The following SETD1A variants were observed in gnomAD, a reference collection of about 807,000 sequenced individuals.
SETD1A encodes the protein histone-lysine N-methyltransferase SETD1A.
In SETD1A, 29 loss-of-function variants were observed where a neutral mutation model predicts 149.9. That is an observed-to-expected ratio of 0.19 (90% CI 0.14 to 0.26). SETD1A has a LOEUF of 0.26. Ranked by LOEUF, SETD1A falls within the 10% of genes least tolerant of loss-of-function variation. The pLI is 1.00. For missense variants in SETD1A, 2,109 were observed against 2,353.1 expected, an observed-to-expected ratio of 0.90 and a Z score of 2.15; for synonymous variants, 1,141 against 968.5, an observed-to-expected ratio of 1.18 and a Z score of -3.31.
rs1328681155 is a variant in SETD1A at position 30,979,864 on chromosome 16, G to A, written c.4078G>A (p.Glu1360Lys). The change falls in exon 14 of 19, where the codon GAG becomes AAG. Residue 1360 changes from glutamate to lysine, a missense_variant. Glu to Lys is a moderately conservative substitution (Grantham distance 56). Coordinates refer to ENST00000262519, the MANE Select transcript of SETD1A (RefSeq NM_014712.3). ...GCAGCAACTGCAGCAGCAGCGGGAG[G>A]AGGGCGAAGAGGAGGGGGAGGAAGA... is the stretch of plus-strand genomic sequence containing the variant. Reference protein sequence around the residue: ...KPQQLQQQREEGEEEGEEEGE... With the variant: ...KPQQLQQQREKGEEEGEEEGE... 2 of 1,538,668 alleles carry A rather than the reference G, an allele frequency of 1.3e-6. No individual in the cohort carries two copies. The highest frequency in any genetic ancestry group is 1.7e-6 in the Non-Finnish European group (2 of 1,148,268).
At chr16:30,971,314 G>GC in intron 12 of SETD1A, 64 bp from the exon 13 acceptor site, 1 of 1,487,616 alleles carries the variant, frequency 6.7e-7, no homozygotes, top group Non-Finnish European at 9.1e-7. Flanking sequence ...GAGTGAGTGA[G>GC]GAGCCCACGG....
chr16:30,979,353 CAA>C lies in SETD1A; in HGVS notation c.3568_3569del (p.Lys1190ValfsTer56), dbSNP rs747241042. 1 of 1,613,108 alleles carries C rather than the reference CAA, an allele frequency of 6.2e-7. No homozygotes were observed. Among genetic ancestry groups the C allele is most frequent in the African/African-American group, 1.3e-5 (1 of 75,056 alleles). ...CCCCTCCAGCCACACCGCCGCAGGC[CAA>C]GTTTCCCGGCCCAGCCTCCCGCAAG... ...EPPPATPPQA[K>X]FPGPASRKAP... On this transcript the variant is annotated frameshift_variant, in exon 14 of 19. Coordinates refer to ENST00000262519, the MANE Select transcript of SETD1A (RefSeq NM_014712.3). LOFTEE classifies it high-confidence loss of function.
chr16:30,971,444 A>T lies in SETD1A; in HGVS notation c.3083A>T (p.Asp1028Val). Residue 1028 changes from aspartate to valine, a missense_variant, in exon 13 of 19, where the codon GAC becomes GTC. By Grantham distance (152) the Asp-to-Val change is radical. Coordinates refer to ENST00000262519, the MANE Select transcript of SETD1A (RefSeq NM_014712.3). ...TATGCTGACTCAGATGGCGAAAATG[A>T]CAGCACATCAGACTCCGAGAGCAGC... Reference protein sequence around the residue: ...SLYADSDGENDSTSDSESSSS... With the variant: ...SLYADSDGENVSTSDSESSSS... 3 of 1,613,288 alleles carry T rather than the reference A, an allele frequency of 1.9e-6. No homozygotes were observed. The highest frequency in any genetic ancestry group is 2.5e-6 in the Non-Finnish European group (3 of 1,179,426).
At position 30,979,425 on chromosome 16, in the gene SETD1A, C is replaced by T. The variant is rs552641025; in HGVS notation, c.3639C>T (p.Asp1213=). ...VERTIRNLPL[D]HASLVKSWPE... ...GGACCATCCGCAACCTGCCCCTGGA[C>T]CACGCATCTCTGGTCAAGAGTTGGC... The change falls in exon 14 of 19, where the codon GAC becomes GAT. Residue 1213 remains aspartate (D), a synonymous_variant. Transcript: ENST00000262519. 1.2e-4 allele frequency: 189 copies of T among 1,609,842 alleles called. 1 individual carries two copies. The highest frequency in any genetic ancestry group is 1.5e-4 in the Non-Finnish European group (174 of 1,178,256).
rs1482637920 is a variant in SETD1A at position 30,980,960 on chromosome 16, G to T, written c.4693-101G>T. The stretch of plus-strand genomic sequence containing the variant: ...TGGTTCCCTCGGGTGGAGTTGGGGG[G>T]TAAGCAGCCAGAACACCCTCTGCCC... On this transcript the variant is annotated intron_variant, in intron 16 of 18. Transcript: ENST00000262519. This position sits in a 1 kb window ranked among gnomAD's most constrained non-coding sequence, Gnocchi z 7.7. 14 of 1,577,386 alleles carry T rather than the reference G, an allele frequency of 8.9e-6. No individual in the cohort carries two copies. In the South Asian group the frequency reaches 1.5e-4, roughly 17 times the overall value.
At chr16:30,970,284 T>G (rs78838902) in intron 12 of SETD1A, among the ~76,000 whole-genome samples, 1 of 149,656 alleles carries the variant, frequency 6.7e-6, no homozygotes, top group Non-Finnish European at 1.5e-5. Context: ...TTTTTTTTTT[T>G]TGAGACAGAG....
Position 30,965,337 on chromosome 16 carries a change from C to T in SETD1A, c.1595C>T (p.Ser532Phe). The T allele has an allele frequency of 1.9e-6, 3 of 1,614,200 alleles. No homozygotes were observed. Among genetic ancestry groups the T allele is most frequent in the Non-Finnish European group, 2.5e-6 (3 of 1,180,040 alleles). ...AGAGATACAGGGAGTGAGGTGCCTT[C>T]TGGGTCAGGGCATGGGCCCTGCACA... ...GARDTGSEVP[S>F]GSGHGPCTPP... The change falls in exon 7 of 19, where the codon TCT becomes TTT. Residue 532 changes from serine to phenylalanine, a missense_variant. Physicochemically the swap from Ser to Phe is radical, Grantham distance 155. Transcript: ENST00000262519.
At chr16:30,972,273 G>A (rs1377417541) in intron 13 of SETD1A, among the ~76,000 whole-genome samples, 2 of 152,188 alleles carry the variant, frequency 1.3e-5, no homozygotes, top group Non-Finnish European at 2.9e-5. Context: ...GGGTTGCTGA[G>A]CCTCACAGGC....
rs766739702 is a variant in SETD1A at position 30,959,078 on chromosome 16, C to T, written c.151-13C>T. On this transcript the variant is annotated splice_polypyrimidine_tract_variant and intron_variant, in intron 2 of 18. Coordinates refer to ENST00000262519, the MANE Select transcript of SETD1A (RefSeq NM_014712.3). ...ACCCTGAGCTCTCTTTCTGCTGCTG[C>T]TTTCCTTCCTAGGACTCAAAGTATA... is the stretch of plus-strand genomic sequence containing the variant. The T allele has an allele frequency of 2.5e-6, 4 of 1,596,804 alleles. No individual in the cohort carries two copies. The highest frequency in any genetic ancestry group is 2.2e-5 in the East Asian group (1 of 44,796).
rs560889109 is a variant in SETD1A, at chr16:30,979,531, A to G, written c.3745A>G (p.Thr1249Ala). 6.2e-7 allele frequency: 1 copy of G among 1,608,164 alleles called. No homozygotes were observed. Among genetic ancestry groups the G allele is most frequent in the African/African-American group, 1.3e-5 (1 of 74,960 alleles). ...CGAGGAAGAGGAGGCTGAGCCAGGG[A>G]CAGAGGTGGACCTGGCGGTCCTGGC... ...LTEEEEAEPG[T>A]EVDLAVLADL... The change falls in exon 14 of 19, where the codon ACA becomes GCA. Residue 1249 changes from threonine (T) to alanine (A), a missense_variant. Physicochemically the swap from Thr to Ala is moderately conservative, Grantham distance 58 (BLOSUM62 0). This residue lies in a region of SETD1A where 832 missense variants were observed against 815.6 expected (regional missense o/e 1.02). Transcript: ENST00000262519.
rs2056087948 is a variant in SETD1A at position 30,963,704 on chromosome 16, A to G, written c.639+150A>G. 8 of 899,882 alleles carry G rather than the reference A, an allele frequency of 8.9e-6. No homozygotes were observed. The East Asian group carries it at 2.3e-4, about 26-fold the overall frequency. 55.7% of individuals were successfully genotyped at this position (899,882 alleles called of 1,614,324 possible). ...GCTGAGATGCTTTCAAAAGACAGGGAACTAGGGGCCAGGCACAGTGGCTCA... is the reference window on the plus strand; with the variant it reads ...GCTGAGATGCTTTCAAAAGACAGGGGACTAGGGGCCAGGCACAGTGGCTCA... On this transcript the variant is annotated intron_variant, in intron 5 of 18. Coordinates refer to ENST00000262519, the MANE Select transcript of SETD1A (RefSeq NM_014712.3).
rs763587829 is a variant in SETD1A at position 30,979,759 on chromosome 16, G to A, written c.3973G>A (p.Ala1325Thr). ...GCCCCCGGAGCCAGTGCCCGCACCCGCCGCCCTCTTCAGTTCCCCAGCTGA... is the reference window on the plus strand; with the variant it reads ...GCCCCCGGAGCCAGTGCCCGCACCCACCGCCCTCTTCAGTTCCCCAGCTGA... Reference protein sequence around the residue: ...LRPPEPVPAPAALFSSPADEV... With the variant: ...LRPPEPVPAPTALFSSPADEV... Residue 1325 changes from alanine to threonine, a missense_variant, in exon 14 of 19, where the codon GCC becomes ACC. Around this residue, in one of 8 missense-constraint regions of SETD1A, gnomAD observed 832 missense variants for 815.6 expected, o/e 1.02. Coordinates refer to ENST00000262519, the MANE Select transcript of SETD1A (RefSeq NM_014712.3). 1.4e-5 allele frequency: 23 copies of A among 1,595,914 alleles called. No homozygotes were observed. Among genetic ancestry groups the A allele is most frequent in the South Asian group, 2.2e-5 (2 of 90,428 alleles).
chr16:30,961,999 C>G lies in SETD1A; in HGVS notation c.517+462C>G, dbSNP rs1363309993. The stretch of plus-strand genomic sequence containing the variant: ...GGATTATGGGCATGCACCACCACAC[C>G]TGGCCAAAGTTTTTTTGATTATTTG... On this transcript the variant is annotated intron_variant, in intron 4 of 18. Coordinates refer to ENST00000262519, the MANE Select transcript of SETD1A (RefSeq NM_014712.3). This position sits in a 1 kb window ranked among gnomAD's most constrained non-coding sequence, Gnocchi z 4.0. Among the ~76,000 whole-genome samples the G allele has an allele frequency of 6.6e-6, 1 of 152,058 alleles. No homozygotes were observed. Among genetic ancestry groups the G allele is most frequent in the Non-Finnish European group, 1.5e-5 (1 of 68,030 alleles).
At position 30,979,074 on chromosome 16, in the gene SETD1A, T is replaced by C. The variant is rs888479075; in HGVS notation, c.3359-71T>C. ...GTGGGGGAGAGCACACAGCCTGTGG[T>C]CATGGGCGGCCAGGGTGGCTGAGCC... On this transcript the variant is annotated intron_variant, in intron 13 of 18. Coordinates refer to ENST00000262519, the MANE Select transcript of SETD1A (RefSeq NM_014712.3). The C allele has an allele frequency of 1.5e-5, 21 of 1,441,390 alleles. No homozygotes were observed. The East Asian group carries it at 3.0e-4, about 20-fold the overall frequency. The allele number at this position is 1,441,390 out of a possible 1,614,324, so 89.3% of individuals were successfully genotyped here.
rs1437990033 is a variant in SETD1A at position 30,971,535 on chromosome 16, T to C, written c.3174T>C (p.Ser1058=). The change falls in exon 13 of 19, where the codon TCT becomes TCC. Residue 1058 remains serine, a synonymous_variant. Coordinates refer to ENST00000262519, the MANE Select transcript of SETD1A (RefSeq NM_014712.3). ...CATCCTCCTCGTCCTCTTCATCCTCTGAGTCCTCCTCTGAAGATGAAGAGG... is the reference window on the plus strand; with the variant it reads ...CATCCTCCTCGTCCTCTTCATCCTCCGAGTCCTCCTCTGAAGATGAAGAGG... ...SSSSSSSSSS[S]ESSSEDEEEE... is the part of the protein sequence containing the mutation. 1.2e-6 allele frequency: 2 copies of C among 1,613,828 alleles called. No individual in the cohort carries two copies. Among genetic ancestry groups the C allele is most frequent in the Non-Finnish European group, 1.7e-6 (2 of 1,179,874 alleles).
chr16:30,974,357 G>A (rs1567359528), intron 13 of SETD1A, among the ~76,000 whole-genome samples: 1 of 152,084 alleles, frequency 6.6e-6, no homozygotes, highest in East Asian at 1.9e-4. Flanking sequence ...TCTTGAAAGT[G>A]TAGCAGTGAA....
rs1356325304 is a variant in SETD1A at position 30,979,920 on chromosome 16, C to T, written c.4134C>T (p.Asp1378=). The change falls in exon 14 of 19, where the codon GAC becomes GAT. Residue 1378 remains aspartate, a synonymous_variant. Coordinates refer to ENST00000262519, the MANE Select transcript of SETD1A (RefSeq NM_014712.3). ...EGEEEEEESS[D]SSSSSDGEGA... ...AGGAAGAGGAGGAGGAGTCCTCTGACAGCAGCAGCAGCAGCGATGGGGAGG... is the reference window on the plus strand; with the variant it reads ...AGGAAGAGGAGGAGGAGTCCTCTGATAGCAGCAGCAGCAGCGATGGGGAGG... 19 of 1,517,860 alleles carry T rather than the reference C, an allele frequency of 1.3e-5. No individual in the cohort carries two copies. The highest frequency in any genetic ancestry group is 1.6e-5 in the Non-Finnish European group (18 of 1,136,274). 94.0% of individuals were successfully genotyped at this position (1,517,860 alleles called of 1,614,324 possible). A position where few individuals can be genotyped will look rare whatever the true frequency, so the allele number is the denominator to read the frequency against.
In SETD1A at chr16:30,963,654, A is replaced by G. The variant is rs1596672787; in HGVS notation, c.639+100A>G. The G allele has an allele frequency of 2.6e-5, 34 of 1,329,992 alleles. No individual in the cohort carries two copies. In the East Asian group the frequency reaches 8.6e-4, roughly 34 times the overall value. The allele number at this position is 1,329,992 out of a possible 1,614,324, so 82.4% of individuals were successfully genotyped here. ...TCGGGAGGTTCCGGGCTTTCCCGTT[A>G]AACAAAGAAGAGCCAAGCAAAGCTG... On this transcript the variant is annotated intron_variant, in intron 5 of 18. Transcript: ENST00000262519.
chr16:30,968,071 G>A (rs764059404), intron 10 of SETD1A, among the ~76,000 whole-genome samples: 3 of 152,034 alleles, frequency 2.0e-5, no homozygotes, highest in African/African-American at 4.8e-5. Flanking sequence ...TCTTCCACCC[G>A]ACCAGAAAAT....
Sources: allele counts gnomAD v4.1 joint callset (sites outside exome capture counted in the v4.1 genomes callset), GRCh38; gene constraint gnomAD v4.1.1; regional missense constraint gnomAD v4.1.1; non-coding constraint Gnocchi (gnomAD v3.1); transcripts MANE v1.5; gene names NCBI Gene and HGNC (gene_info 2026-07-23, HGNC 2026-07-21).